DNAH12: variants seen among roughly 807,000 people sequenced by gnomAD.
DNAH12 encodes the protein axonemal beta dynein heavy chain 12.
Under a neutral mutation model 371.5 loss-of-function variants are expected in DNAH12, and 285 were observed. The ratio of observed to expected loss-of-function variants is 0.77; its 90% CI spans 0.70 to 0.85. DNAH12 has a LOEUF of 0.85. Among genes scored for constraint, DNAH12 ranks in the 40% least tolerant of loss-of-function variants. The pLI is 0.00. For synonymous variants in DNAH12, 1,200 were observed against 1,213.0 expected, an observed-to-expected ratio of 0.99 and a Z score of 0.22; for missense variants, 3,611 against 3,689.4, an observed-to-expected ratio of 0.98 and a Z score of 0.55.
At chr3:57,308,946 A>G (rs191955460) in intron 69 of DNAH12, among the ~76,000 whole-genome samples, 2,516 of 151,134 alleles carry the variant, frequency 0.017, 69 homozygotes, top group African/African-American at 0.059. Context: ...CTTACCACAA[A>G]ATCTGCCTTC....
rs150367500 is a variant in DNAH12 at position 57,510,686 on chromosome 3, T to C, written c.469+104A>G. Reference sequence around the variant, plus strand: ...AGAAAAAAACCAGATATAGTTTAAATACATAGTGTTCATTACTCATTTTGC... The same window carrying C: ...AGAAAAAAACCAGATATAGTTTAAACACATAGTGTTCATTACTCATTTTGC... On this transcript the variant is annotated intron_variant, in intron 5 of 73. Transcript: ENST00000495027. The C allele has an allele frequency of 1.5e-4, 147 of 969,680 alleles. No individual in the cohort carries two copies. The African/African-American group carries it at 2.3e-3, about 15-fold the overall frequency. The allele number at this position is 969,680 out of a possible 1,614,324, so 60.1% of individuals were successfully genotyped here. A position where few individuals can be genotyped will look rare whatever the true frequency, so the allele number is the denominator to read the frequency against.
chr3:57,349,941 C>T (rs868914637), intron 60 of DNAH12, among the ~76,000 whole-genome samples: 6 of 152,322 alleles, frequency 3.9e-5, no homozygotes, highest in African/African-American at 7.2e-5. Flanking sequence ...CCACTTGCCT[C>T]GGCCTCCCAA....
chr3:57,414,713 A>C (rs2064311203), intron 38 of DNAH12, among the ~76,000 whole-genome samples: 1 of 151,650 alleles, frequency 6.6e-6, no homozygotes, highest in Non-Finnish European at 1.5e-5. Context: ...TAGTTCTAAT[A>C]CTTTGGGAAC....
chr3:57,548,610 G>C (rs570268743), upstream of DNAH12, among the ~76,000 whole-genome samples: 25 of 152,246 alleles, frequency 1.6e-4, no homozygotes, highest in East Asian at 1.2e-3. Flanking sequence ...GCAGACTGAG[G>C]GGGGAGGATC....
At position 57,513,135 on chromosome 3, in the gene DNAH12, T is replaced by C. The variant is rs1471091638; in HGVS notation, c.280-2156A>G. Among the ~76,000 whole-genome samples the C allele has an allele frequency of 2.2e-5, 3 of 136,374 alleles. No homozygotes were observed. In the Admixed American group the frequency reaches 2.3e-4, roughly 10 times the overall value. 89.5% of individuals were successfully genotyped at this position (136,374 alleles called of 152,430 possible). On this transcript the variant is annotated intron_variant, in intron 4 of 73. Coordinates refer to ENST00000495027, the MANE Select transcript of DNAH12 (RefSeq NM_001366028.2). ...CCTGGCAACAGAGTGAGACTTCATC[T>C]CAAAAAAAAAAAAAAATGTGGTACA...
chr3:57,386,646 T>A (rs955101643), intron 46 of DNAH12, 43 bp from the exon 47 acceptor site: 44 of 152,302 alleles, frequency 2.9e-4, no homozygotes, highest in African/African-American at 9.1e-4. Flanking sequence ...AAGTAATGGA[T>A]TTCACAAAAA....
chr3:57,454,471 A>T (rs2065846840), intron 23 of DNAH12, among the ~76,000 whole-genome samples: 1 of 139,384 alleles, frequency 7.2e-6, no homozygotes, highest in Non-Finnish European at 1.5e-5. Flanking sequence ...CAAGAGCGTA[A>T]CTACATCTCA....
At chr3:57,484,341 G>T (rs1036621535) in intron 12 of DNAH12, among the ~76,000 whole-genome samples, 2 of 152,042 alleles carry the variant, frequency 1.3e-5, no homozygotes, top group Non-Finnish European at 2.9e-5. Flanking sequence ...TATGAACCTA[G>T]ATATCCTACA....
chr3:57,498,274 T>C (rs758074624), intron 11 of DNAH12: 4 of 539,678 alleles, frequency 7.4e-6, no homozygotes, highest in Non-Finnish European at 1.3e-5. Context: ...CATACACTGC[T>C]GGTGAGATTG....
intron 67 of DNAH12, among the ~76,000 whole-genome samples, 178 bp from the exon 68 acceptor site, chr3:57,310,032 G>T (rs2107677097): frequency 6.6e-6 from 1 of 152,178 alleles, no homozygotes; most frequent in South Asian, 2.1e-4. Context: ...CTAAAAGTAG[G>T]GCATCAATTT....
chr3:57,510,740 G>C lies in DNAH12; in HGVS notation c.469+50C>G, dbSNP rs200920962. ...TTTCTATTTTTGATTCAGTGGGGAC[G>C]GGGGGAGGCCAAGGTGAAAGAAGCC... On this transcript the variant is annotated intron_variant, in intron 5 of 73. Coordinates refer to ENST00000495027, the MANE Select transcript of DNAH12 (RefSeq NM_001366028.2). 20 of 1,539,746 alleles carry C rather than the reference G, an allele frequency of 1.3e-5. No individual in the cohort carries two copies. In the East Asian group the frequency reaches 4.3e-4, roughly 33 times the overall value.
rs1334722511 is a variant in DNAH12, at chr3:57,433,529, TA to T, written c.4840-23del. On this transcript the variant is annotated intron_variant, in intron 31 of 73. Coordinates refer to ENST00000495027, the MANE Select transcript of DNAH12 (RefSeq NM_001366028.2). ...TCCACTGAGGAGGAAAAAAAAGAATTAAAAAGCTCTCCTCATAAAATTAGAT... is the reference window on the plus strand; with the variant it reads ...TCCACTGAGGAGGAAAAAAAAGAATTAAAAGCTCTCCTCATAAAATTAGAT... The T allele has an allele frequency of 1.9e-6, 3 of 1,542,572 alleles. No homozygotes were observed. In the South Asian group the frequency reaches 3.7e-5, roughly 19 times the overall value.
rs1188889336 is a variant in DNAH12 at position 57,458,141 on chromosome 3, C to T, written c.3011G>A (p.Gly1004Asp). The T allele has an allele frequency of 6.5e-6, 10 of 1,550,168 alleles. No individual in the cohort carries two copies. The African/African-American group carries it at 1.2e-4, about 19-fold the overall frequency. ...CNELLEKIMK[G>D]LNAYLEKKRL... ...TTTCTTTTCAAGATATGCGTTAAGA[C>T]CTTTCATAATTTTCTCCAAAAGTTC... The change falls in exon 21 of 74, where the codon GGT (glycine) becomes GAT (aspartate). Residue 1004 changes from glycine to aspartate, a missense_variant. Gly to Asp is a moderately conservative substitution (Grantham distance 94). This residue lies in a region of DNAH12 where 1,314 missense variants were observed against 1,398.7 expected (regional missense o/e 0.94). Coordinates refer to ENST00000495027, the MANE Select transcript of DNAH12 (RefSeq NM_001366028.2).
chr3:57,303,857 A>T (rs1271382458), intron 69 of DNAH12, among the ~76,000 whole-genome samples: 2 of 152,222 alleles, frequency 1.3e-5, no homozygotes, highest in Non-Finnish European at 2.9e-5. Context: ...CTGCACGTAT[A>T]CATCCAGATG....
Position 57,471,479 on chromosome 3 carries a change from A to G in DNAH12, c.1904T>C (p.Met635Thr), listed in dbSNP as rs1320400989. The change falls in exon 15 of 74, where the codon ATG becomes ACG. Residue 635 changes from methionine to threonine, a missense_variant. Met to Thr is a moderately conservative substitution (Grantham distance 81, BLOSUM62 -1). Coordinates refer to ENST00000495027, the MANE Select transcript of DNAH12 (RefSeq NM_001366028.2). ...CTCATATATTTATCAGACCTGTTGC[A>G]TGCGCTCCAGCTCTGCAAATTCTGT... ...EFTEFAELER[M>T]QQYVTDVRQL... 1 of 1,544,736 alleles carries G rather than the reference A, an allele frequency of 6.5e-7. No homozygotes were observed. Among genetic ancestry groups the G allele is most frequent in the Non-Finnish European group, 8.7e-7 (1 of 1,145,758 alleles).
chr3:57,524,158 G>C (rs1259456004), intron 2 of DNAH12, among the ~76,000 whole-genome samples: 1 of 152,036 alleles, frequency 6.6e-6, no homozygotes, highest in Admixed American at 6.6e-5. Flanking sequence ...AATGAATAGT[G>C]GGCACTTATA....
intron 43 of DNAH12, among the ~76,000 whole-genome samples, chr3:57,397,237 T>C (rs1446890276): frequency 6.6e-6 from 1 of 152,084 alleles, no homozygotes; most frequent in Non-Finnish European, 1.5e-5. Flanking sequence ...CAGAACACAA[T>C]TACCTTTGTA....
At chr3:57,532,449 C>T (rs751783128) in intron 2 of DNAH12, among the ~76,000 whole-genome samples, 3 of 152,058 alleles carry the variant, frequency 2.0e-5, no homozygotes, top group African/African-American at 7.2e-5. Flanking sequence ...TTGCAGTCTT[C>T]GCAGTCTGGG....
intron 25 of DNAH12, among the ~76,000 whole-genome samples, chr3:57,448,464 G>A (rs1021884850): frequency 2.6e-5 from 4 of 152,160 alleles, no homozygotes; most frequent in East Asian, 1.9e-4. Context: ...GTTCCTCCCA[G>A]GGGGGCTCGT....
Sources: allele counts gnomAD v4.1 joint callset (sites outside exome capture counted in the v4.1 genomes callset), GRCh38; gene constraint gnomAD v4.1.1; regional missense constraint gnomAD v4.1.1; transcripts MANE v1.5; gene names NCBI Gene and HGNC (gene_info 2026-07-23, HGNC 2026-07-21).